Variants in RO60 observed in about 807,000 individuals in gnomAD.
RO60 encodes the protein Ro60, Y RNA binding protein.
Under a neutral mutation model 55.3 loss-of-function variants are expected in RO60, and 20 were observed. That is an observed-to-expected ratio of 0.36 (90% confidence interval 0.25 to 0.53). The LOEUF is 0.53. Ranked by LOEUF, RO60 falls within the 20% of genes least tolerant of loss-of-function variation. The pLI, the probability that RO60 is intolerant of heterozygous loss-of-function variation, is 0.92. For synonymous variants in RO60, 213 were observed against 213.6 expected, an observed-to-expected ratio of 1.00 and a Z score of 0.02; for missense variants, 558 against 646.6, an observed-to-expected ratio of 0.86 and a Z score of 1.49.
chr1:193,059,692 G>A lies in RO60; in HGVS notation c.-106G>A. 7.4e-7 allele frequency: 1 copy of A among 1,360,240 alleles called. No individual in the cohort carries two copies. Among genetic ancestry groups the A allele is most frequent in the Non-Finnish European group, 9.8e-7 (1 of 1,020,568 alleles). 84.3% of individuals were successfully genotyped at this position (1,360,240 alleles called of 1,614,324 possible). A position where few individuals can be genotyped will look rare whatever the true frequency, so the allele number is the denominator to read the frequency against. On this transcript the variant is annotated 5_prime_UTR_variant, in exon 1 of 9. Coordinates refer to ENST00000400968, the MANE Select transcript of RO60 (RefSeq NM_001173524.2). This position sits in a 1 kb window ranked among gnomAD's most constrained non-coding sequence, Gnocchi z 4.9. Reference sequence around the variant, plus strand: ...TGCTGTGGCTGTCGCTGCCCGTCAGGCTGCCTTCTTTTGTCGTTTCCCAGC... The same window carrying A: ...TGCTGTGGCTGTCGCTGCCCGTCAGACTGCCTTCTTTTGTCGTTTCCCAGC...
chr1:193,070,146 C>CAAA (rs112979908), intron 2 of RO60, among the ~76,000 whole-genome samples: 2 of 86,188 alleles, frequency 2.3e-5, no homozygotes, highest in African/African-American at 4.2e-5. Context: ...AGTAGAAAAG[C>CAAA]AAAAAAAAAA....
chr1:193,069,046 CAA>C lies in RO60; in HGVS notation c.-1_1del. 1 of 1,553,740 alleles carries C rather than the reference CAA, an allele frequency of 6.4e-7. No homozygotes were observed. The highest frequency in any genetic ancestry group is 1.2e-5 in the South Asian group (1 of 84,380). On this transcript the variant is annotated 5_prime_UTR_variant, in exon 2 of 9. Coordinates refer to ENST00000400968, the MANE Select transcript of RO60 (RefSeq NM_001173524.2). ...GCCTTTTTGTTAGGTTTCCTAAAGA[CAA>C]AAAAAAATGGAGGAATCTGTAAACC...
intron 2 of RO60, among the ~76,000 whole-genome samples, chr1:193,072,568 T>G (rs556779899): frequency 6.6e-6 from 1 of 152,160 alleles, no homozygotes; most frequent in Non-Finnish European, 1.5e-5. Context: ...CTAAAATATT[T>G]ATCTGTGGTT....
In RO60 at chr1:193,084,756, G is replaced by T. The variant is rs1558255251; in HGVS notation, c.*25G>T. On this transcript the variant is annotated 3_prime_UTR_variant, in exon 9 of 9. Transcript: ENST00000400968. ...ACCATAAGCAGCAGCACGATCCAGA[G>T]ATCCATTGCCATCAGTGATCTCACT... 6.3e-7 allele frequency: 1 copy of T among 1,599,566 alleles called. No homozygotes were observed. Among genetic ancestry groups the T allele is most frequent in the South Asian group, 1.1e-5 (1 of 88,096 alleles).
chr1:193,060,960 C>A (rs911348136), intron 1 of RO60, among the ~76,000 whole-genome samples: 8 of 152,114 alleles, frequency 5.3e-5, no homozygotes, highest in African/African-American at 1.9e-4. Flanking sequence ...CAAAATACAT[C>A]AAAACTAAAA....
chr1:193,091,407 ATTTAAG>A (rs1416357310), downstream of RO60: 3 of 368,500 alleles, frequency 8.1e-6, no homozygotes, highest in Non-Finnish European at 1.5e-5. Flanking sequence ...GTAAAATCTG[ATTTAAG>A]TTTATTTCAT....
At chr1:193,091,634 C>T (rs369313147), downstream of RO60, 31 of 1,603,202 alleles carry the variant, frequency 1.9e-5, no homozygotes, top group South Asian at 3.1e-4. Context: ...CTGTGAAATC[C>T]TTTCTCTCCT....
rs969844750 is a variant in RO60, at chr1:193,090,348, T to A, written c.*5617T>A. ...TTGGCTTTATTTGTAACGTAAACTA[T>A]ATATAATCCATACGTAGCCAAATTA... On this transcript the variant is annotated 3_prime_UTR_variant, in exon 9 of 9. Transcript: ENST00000400968. The A allele has an allele frequency of 6.6e-6, 1 of 152,056 alleles. No individual in the cohort carries two copies. Among genetic ancestry groups the A allele is most frequent in the Non-Finnish European group, 1.5e-5 (1 of 68,010 alleles). The allele number at this position is 152,056 out of a possible 1,614,324, so 9.4% of individuals were successfully genotyped here.
chr1:193,087,706 A>T lies in RO60; in HGVS notation c.*2975A>T, dbSNP rs887770359. The stretch of plus-strand genomic sequence containing the variant: ...AATCAGTGATTTAATATTTGTATAA[A>T]AATTGAAACTGGGAAGAGGGCTTGC... On this transcript the variant is annotated 3_prime_UTR_variant, in exon 9 of 9. Coordinates refer to ENST00000400968, the MANE Select transcript of RO60 (RefSeq NM_001173524.2). 4 of 152,174 alleles carry T rather than the reference A, an allele frequency of 2.6e-5. No individual in the cohort carries two copies. Among genetic ancestry groups the T allele is most frequent in the African/African-American group, 9.7e-5 (4 of 41,448 alleles). The allele number at this position is 152,174 out of a possible 1,614,324, so 9.4% of individuals were successfully genotyped here. A position where few individuals can be genotyped will look rare whatever the true frequency, so the allele number is the denominator to read the frequency against.
chr1:193,077,073 A>G (rs1673973637), intron 5 of RO60, 23 bp downstream of exon 5: 1 of 1,587,560 alleles, frequency 6.3e-7, no homozygotes, highest in Non-Finnish European at 8.6e-7. Context: ...TTTTTGTTTT[A>G]AAACAAATGA....
chr1:193,062,944 A>G (rs970665703), intron 1 of RO60, among the ~76,000 whole-genome samples: 3 of 152,098 alleles, frequency 2.0e-5, no homozygotes, highest in Non-Finnish European at 2.9e-5. Context: ...GTTGATGGAC[A>G]TTTGGGTTGC....
downstream of RO60, chr1:193,091,607 AAC>A (rs1320861051): frequency 6.6e-7 from 1 of 1,520,964 alleles, no homozygotes; most frequent in Non-Finnish European, 9.1e-7. Flanking sequence ...TTCATGATAA[AAC>A]AGTTTTCACT....
chr1:193,071,036 G>C (rs1308064207), intron 2 of RO60, among the ~76,000 whole-genome samples: 1 of 152,180 alleles, frequency 6.6e-6, no homozygotes, highest in African/African-American at 2.4e-5. Context: ...GCAGGCAGTG[G>C]GGAGGGCAGG....
downstream of RO60, chr1:193,091,543 A>G: frequency 1.1e-6 from 1 of 885,880 alleles, no homozygotes; most frequent in Non-Finnish European, 1.8e-6. Context: ...TAACAATGTA[A>G]TTTTGCTGTT....
Position 193,059,759 on chromosome 1 carries a change from G to T in RO60, c.-39G>T, listed in dbSNP as rs1259973873. The T allele has an allele frequency of 2.9e-6, 4 of 1,356,078 alleles. No individual in the cohort carries two copies. Among genetic ancestry groups the T allele is most frequent in the Non-Finnish European group, 3.9e-6 (4 of 1,017,336 alleles). The allele number at this position is 1,356,078 out of a possible 1,614,324, so 84.0% of individuals were successfully genotyped here. On this transcript the variant is annotated 5_prime_UTR_variant, in exon 1 of 9. Transcript: ENST00000400968. This position sits in a 1 kb window ranked among gnomAD's most constrained non-coding sequence, Gnocchi z 4.9. ...CCTGGCGGCGCTGCGGATCCAGGGGGTCGGCTGCCAGGTACAGGTGAGGAC... is the reference window on the plus strand; with the variant it reads ...CCTGGCGGCGCTGCGGATCCAGGGGTTCGGCTGCCAGGTACAGGTGAGGAC...
intron 1 of RO60, among the ~76,000 whole-genome samples, chr1:193,066,453 C>G (rs1217226537): frequency 6.6e-6 from 1 of 152,192 alleles, no homozygotes; most frequent in Admixed American, 6.5e-5. Context: ...ACTGCAGTTG[C>G]TCTCACTAGT....
chr1:193,081,597 T>A, intron 6 of RO60, 117 bp downstream of exon 6: 1 of 600,054 alleles, frequency 1.7e-6, no homozygotes, highest in Non-Finnish European at 2.9e-6. Context: ...TTTCAGCTTG[T>A]CACATTTTTA....
chr1:193,091,712 G>T, downstream of RO60: 1 of 1,602,352 alleles, frequency 6.2e-7, no homozygotes, highest in South Asian at 1.1e-5. Flanking sequence ...GACACTGTGT[G>T]AACTGTTTTT....
At position 193,085,856 on chromosome 1, in the gene RO60, C is replaced by T. The variant is rs1674603569; in HGVS notation, c.*1125C>T. ...TTTGAGTAGCATATTACCAGCTAGC[C>T]AGTCACTAGGAATTTTTTTCAGTAT... is the stretch of plus-strand genomic sequence containing the variant. On this transcript the variant is annotated 3_prime_UTR_variant, in exon 9 of 9. Transcript: ENST00000400968. 3 of 985,044 alleles carry T rather than the reference C, an allele frequency of 3.0e-6. No individual in the cohort carries two copies. The highest frequency in any genetic ancestry group is 5.2e-4 in the Middle Eastern group (1 of 1,934). 61.0% of individuals were successfully genotyped at this position (985,044 alleles called of 1,614,324 possible). A position where few individuals can be genotyped will look rare whatever the true frequency, so the allele number is the denominator to read the frequency against.
Sources: allele counts gnomAD v4.1 joint callset (sites outside exome capture counted in the v4.1 genomes callset), GRCh38; gene constraint gnomAD v4.1.1; non-coding constraint Gnocchi (gnomAD v3.1); transcripts MANE v1.5; gene names NCBI Gene and HGNC (gene_info 2026-07-23, HGNC 2026-07-21).